INTS9: variants seen among roughly 807,000 people sequenced by gnomAD.
INTS9 encodes the protein protein related to CPSF subunits of 74 kDa.
A neutral mutation model predicts 79.7 loss-of-function variants in INTS9; 55 were observed. That is an observed-to-expected ratio of 0.69 (90% CI 0.56 to 0.86). The LOEUF (loss-of-function observed/expected upper bound fraction) is 0.86. Among genes scored for constraint, INTS9 ranks in the 40% least tolerant of loss-of-function variants. The probability of loss-of-function intolerance (pLI) is 0.00; values close to 1 mark genes in which losing one functional copy is unlikely to be tolerated. For synonymous variants in INTS9, 319 were observed against 325.2 expected (o/e 0.98, Z 0.20); for missense variants, 721 against 831.5 (o/e 0.87, Z 1.64).
chr8:28,819,517 A>T, intron 6 of INTS9, among the ~76,000 whole-genome samples: 1 of 152,182 alleles, frequency 6.6e-6, no homozygotes, highest in Non-Finnish European at 1.5e-5. Flanking sequence ...TGTCTGAGAG[A>T]CAGTTTGTTA....
chr8:28,882,408 C>G (rs1809913274), intron 1 of INTS9, among the ~76,000 whole-genome samples: 1 of 142,838 alleles, frequency 7.0e-6, no homozygotes, highest in Non-Finnish European at 1.5e-5. Flanking sequence ...CACTATTGTC[C>G]TATGACCCTG....
chr8:28,811,854 C>T (rs139792955), intron 8 of INTS9, among the ~76,000 whole-genome samples: 6 of 152,226 alleles, frequency 3.9e-5, no homozygotes, highest in Non-Finnish European at 4.4e-5. Context: ...GTATCTCAAT[C>T]GGAAATGACC....
intron 4 of INTS9, 73 bp from the exon 5 acceptor site, chr8:28,837,849 T>C (rs1244544727): frequency 4.2e-6 from 6 of 1,422,030 alleles, no homozygotes; most frequent in Non-Finnish European, 5.7e-6. Context: ...AAAAACGACG[T>C]TGTCAGAATG....
chr8:28,812,983 C>A (rs146212791), intron 7 of INTS9, among the ~76,000 whole-genome samples: 17 of 152,316 alleles, frequency 1.1e-4, no homozygotes, highest in African/African-American at 4.1e-4. Flanking sequence ...TCTTCCATGT[C>A]CCCAGGCACT....
intron 6 of INTS9, among the ~76,000 whole-genome samples, chr8:28,817,980 GTGA>G (rs1805598113): frequency 6.8e-6 from 1 of 148,118 alleles, no homozygotes; most frequent in South Asian, 2.2e-4. Context: ...AAGAATGCTT[GTGA>G]TTTTTGTACA....
At chr8:28,846,100 C>T (rs533488494) in intron 4 of INTS9, among the ~76,000 whole-genome samples, 6 of 152,268 alleles carry the variant, frequency 3.9e-5, no homozygotes, top group Admixed American at 1.3e-4. Flanking sequence ...GGAGCAGCTC[C>T]GGCTTTCCAC....
In INTS9 at chr8:28,875,139, C is replaced by T. The variant is rs113298445; in HGVS notation, c.9+14735G>A. ...TCTCCCACCAATCCCTCCCACAACA[C>T]GTGGGGATTATGGGAGCTACAAGAT... On this transcript the variant is annotated intron_variant, in intron 1 of 16. Transcript: ENST00000521022. Among the ~76,000 whole-genome samples, 188 of 152,248 alleles carry T rather than the reference C, an allele frequency of 1.2e-3. 3 individuals are homozygous for T. Among genetic ancestry groups the T allele is most frequent in the African/African-American group, 4.3e-3 (177 of 41,536 alleles).
chr8:28,858,226 T>C (rs1463112162), intron 2 of INTS9, among the ~76,000 whole-genome samples: 1 of 152,222 alleles, frequency 6.6e-6, no homozygotes, highest in African/African-American at 2.4e-5. Flanking sequence ...TAAATATATA[T>C]ACTTGTTTTC....
At chr8:28,788,481 C>T (rs1040050504) in intron 10 of INTS9, among the ~76,000 whole-genome samples, 3 of 152,150 alleles carry the variant, frequency 2.0e-5, no homozygotes, top group African/African-American at 7.2e-5. Context: ...TGCAATGGCG[C>T]GATCTCGGCT....
intron 6 of INTS9, among the ~76,000 whole-genome samples, chr8:28,818,959 T>C (rs932441276): frequency 6.6e-6 from 1 of 152,232 alleles, no homozygotes; most frequent in Non-Finnish European, 1.5e-5. Flanking sequence ...TGTAGTATTC[T>C]CTGATGGTAG....
chr8:28,787,632 C>T (rs779937114), intron 11 of INTS9, among the ~76,000 whole-genome samples, 197 bp downstream of exon 11: 30 of 152,170 alleles, frequency 2.0e-4, no homozygotes, highest in Non-Finnish European at 3.8e-4. Context: ...GGCTGCTCCA[C>T]GTGCGCAATA....
intron 2 of INTS9, among the ~76,000 whole-genome samples, chr8:28,855,403 C>T (rs1190587087): frequency 6.6e-6 from 1 of 152,198 alleles, no homozygotes; most frequent in Non-Finnish European, 1.5e-5. Flanking sequence ...TGTGCTTCTA[C>T]AAGATGACTG....
chr8:28,850,005 G>T (rs1807739345), intron 3 of INTS9: 1 of 420,170 alleles, frequency 2.4e-6, no homozygotes, highest in Admixed American at 4.0e-5. Flanking sequence ...GAGCAAAATG[G>T]ATCTGAATCA....
intron 12 of INTS9, among the ~76,000 whole-genome samples, chr8:28,779,396 T>A (rs1030820485): frequency 1.8e-4 from 27 of 152,110 alleles, no homozygotes; most frequent in Non-Finnish European, 2.9e-5. Context: ...AAGCCATGTG[T>A]CCTCCTGCTG....
intron 1 of INTS9, among the ~76,000 whole-genome samples, chr8:28,862,452 T>C (rs1808510496): frequency 2.6e-5 from 4 of 152,216 alleles, no homozygotes; most frequent in Admixed American, 2.6e-4. Context: ...CATTCCCTTA[T>C]TGTTGAACAT....
chr8:28,792,674 G>C (rs1315684152), intron 10 of INTS9, among the ~76,000 whole-genome samples: 1 of 152,174 alleles, frequency 6.6e-6, no homozygotes, highest in Non-Finnish European at 1.5e-5. Context: ...AGCACTTTGG[G>C]AGGCCGAGGC....
rs562625232 is a variant in INTS9 at position 28,775,619 on chromosome 8, T to C, written c.1563+140A>G. 4.3e-6 allele frequency: 4 copies of C among 930,368 alleles called. No homozygotes were observed. In the East Asian group the frequency reaches 1.1e-4, roughly 25 times the overall value. 57.6% of individuals were successfully genotyped at this position (930,368 alleles called of 1,614,324 possible). On this transcript the variant is annotated intron_variant, in intron 14 of 16. Coordinates refer to ENST00000521022, the MANE Select transcript of INTS9 (RefSeq NM_018250.4). Reference sequence around the variant, plus strand: ...CGCCCACCTTGGCCGCCCAAAGTGCTGGGATTATAGGCGTGAGCTACTGCG... The same window carrying C: ...CGCCCACCTTGGCCGCCCAAAGTGCCGGGATTATAGGCGTGAGCTACTGCG...
At chr8:28,792,419 G>T (rs1223209521) in intron 10 of INTS9, among the ~76,000 whole-genome samples, 2 of 151,846 alleles carry the variant, frequency 1.3e-5, no homozygotes, top group African/African-American at 2.4e-5. Flanking sequence ...TCTAAACATA[G>T]TATCAACAGA....
chr8:28,838,782 A>G (rs2131194330), intron 4 of INTS9, among the ~76,000 whole-genome samples: 1 of 152,168 alleles, frequency 6.6e-6, no homozygotes, highest in East Asian at 1.9e-4. Flanking sequence ...CAGCCTTCCA[A>G]AATGCTGGGA....
Sources: allele counts gnomAD v4.1 joint callset (sites outside exome capture counted in the v4.1 genomes callset), GRCh38; gene constraint gnomAD v4.1.1; transcripts MANE v1.5; gene names NCBI Gene and HGNC (gene_info 2026-07-23, HGNC 2026-07-21).